The following PRTG variants were observed in gnomAD, a reference collection of about 807,000 sequenced individuals.
PRTG encodes protogenin.
PRTG carries 67 observed loss-of-function variants against 122.5 expected under a neutral mutation model. That is an observed-to-expected ratio of 0.55 (90% CI 0.45 to 0.67). PRTG has a LOEUF of 0.67. Ranked by LOEUF, PRTG falls within the 30% of genes least tolerant of loss-of-function variation. PRTG has a pLI of 0.00. For synonymous variants in PRTG, 554 were observed against 501.1 expected, an observed-to-expected ratio of 1.11 and a Z score of -1.41; for missense variants, 1,435 against 1,415.4, an observed-to-expected ratio of 1.01 and a Z score of -0.22.
intron 2 of PRTG, among the ~76,000 whole-genome samples, chr15:55,716,975 C>A (rs528622048): frequency 1.3e-5 from 2 of 152,048 alleles, no homozygotes; most frequent in Non-Finnish European, 2.9e-5. Context: ...TCATCAGGTA[C>A]AAAATGGAGT....
intron 2 of PRTG, among the ~76,000 whole-genome samples, chr15:55,734,804 C>G (rs1187259482): frequency 6.6e-6 from 1 of 152,106 alleles, no homozygotes; most frequent in Non-Finnish European, 1.5e-5. Flanking sequence ...AGATTAGTGT[C>G]AGAGACCTTT....
intron 2 of PRTG, chr15:55,738,469 T>C (rs749277964): frequency 1.4e-6 from 1 of 700,890 alleles, no homozygotes; most frequent in Non-Finnish European, 2.6e-6. Flanking sequence ...TCATGGCCTA[T>C]CTGGCCACCT....
At chr15:55,720,378 A>G (rs2141867423) in intron 2 of PRTG, among the ~76,000 whole-genome samples, 1 of 152,260 alleles carries the variant, frequency 6.6e-6, no homozygotes, top group African/African-American at 2.4e-5. Flanking sequence ...ACAAAACAAA[A>G]TAAAACAAAC....
At chr15:55,741,584 G>A (rs988776355) in intron 1 of PRTG, among the ~76,000 whole-genome samples, 1 of 152,140 alleles carries the variant, frequency 6.6e-6, no homozygotes, top group African/African-American at 2.4e-5. Context: ...CCTGCATTTA[G>A]TGCACAGGCC....
At position 55,677,933 on chromosome 15, in the gene PRTG, T is replaced by G. The variant is rs576678146; in HGVS notation, c.1245A>C (p.Ser415=). The G allele has an allele frequency of 3.2e-5, 52 of 1,613,816 alleles. No individual in the cohort carries two copies. The highest frequency in any genetic ancestry group is 5.0e-5 in the Admixed American group (3 of 59,982). ...LSRARLTVVM[S]EDRPSAPYNV... ...TATAGGGAGCACTGGGTCTGTCTTC[T>G]GACATCACTACAGTCAGTCTGGCTC... The change falls in exon 8 of 20, where the codon TCA becomes TCC. Residue 415 remains serine (S), a synonymous_variant. Coordinates refer to ENST00000389286, the MANE Select transcript of PRTG (RefSeq NM_173814.6).
At chr15:55,735,815 G>C (rs11630141) in intron 2 of PRTG, among the ~76,000 whole-genome samples, 1 of 151,142 alleles carries the variant, frequency 6.6e-6, no homozygotes, top group African/African-American at 2.4e-5. Context: ...ACTAATCTAG[G>C]GCAAAGTGAG....
At chr15:55,663,214 A>C (rs759455299) in intron 11 of PRTG, among the ~76,000 whole-genome samples, 39 of 152,210 alleles carry the variant, frequency 2.6e-4, no homozygotes, top group Non-Finnish European at 5.1e-4. Context: ...CTAAATGTCT[A>C]GGAGAAACTG....
intron 2 of PRTG, among the ~76,000 whole-genome samples, chr15:55,719,768 C>T (rs1158504571): frequency 3.3e-5 from 5 of 151,932 alleles, no homozygotes; most frequent in African/African-American, 1.2e-4. Context: ...TCTTAAAAAC[C>T]GTGGGTTTGG....
At chr15:55,680,404 G>T in intron 5 of PRTG, 87 bp downstream of exon 5, 1 of 1,359,904 alleles carries the variant, frequency 7.4e-7, no homozygotes, top group Non-Finnish European at 9.8e-7. Flanking sequence ...CTGTGTTTTT[G>T]TATATAAAAT....
chr15:55,696,637 T>C (rs1234913511), intron 2 of PRTG, among the ~76,000 whole-genome samples: 1 of 152,208 alleles, frequency 6.6e-6, no homozygotes, highest in Non-Finnish European at 1.5e-5. Context: ...TCTTAAATTA[T>C]TTAACAGGAA....
At chr15:55,647,328 G>T (rs1490528938) in intron 11 of PRTG, among the ~76,000 whole-genome samples, 1 of 152,158 alleles carries the variant, frequency 6.6e-6, no homozygotes, top group Non-Finnish European at 1.5e-5. Flanking sequence ...GGCTAAGAAA[G>T]AGTTCACAGG....
intron 2 of PRTG, among the ~76,000 whole-genome samples, chr15:55,716,934 C>T (rs950624034): frequency 6.6e-6 from 1 of 152,126 alleles, no homozygotes; most frequent in African/African-American, 2.4e-5. Context: ...AAAAGTTTTT[C>T]ATTCTACAAT....
chr15:55,683,812 T>C lies in PRTG; in HGVS notation c.517A>G (p.Thr173Ala). The C allele has an allele frequency of 1.2e-6, 2 of 1,613,888 alleles. No homozygotes were observed. The highest frequency in any genetic ancestry group is 1.7e-6 in the Non-Finnish European group (2 of 1,179,864). The change falls in exon 3 of 20, where the codon ACA becomes GCA. Residue 173 changes from threonine to alanine, a missense_variant. Thr to Ala is a moderately conservative substitution (Grantham distance 58). Transcript: ENST00000389286. ...CTGTCCATAGTCATAGGTAGAGTTG[T>C]CCGATTGAACTCCCATGTTATGACT... ...PAVITWEFNR[T>A]TLPMTMDRIT...
Position 55,617,944 on chromosome 15 carries a change from C to G in PRTG, c.*2068G>C, listed in dbSNP as rs1340555171. The G allele has an allele frequency of 1.3e-5, 2 of 152,138 alleles. No individual in the cohort carries two copies. The highest frequency in any genetic ancestry group is 6.6e-5 in the Admixed American group (1 of 15,254). The allele number at this position is 152,138 out of a possible 1,614,324, so 9.4% of individuals were successfully genotyped here. ...GCTATACCCTGTCAATCTGCCTATG[C>G]TTCCATGAGGCAGCTCAAAAGTAAC... is the stretch of plus-strand genomic sequence containing the variant. On this transcript the variant is annotated 3_prime_UTR_variant, in exon 20 of 20. Transcript: ENST00000389286.
intron 18 of PRTG, 67 bp from the exon 19 acceptor site, chr15:55,620,834 G>C: frequency 7.5e-7 from 1 of 1,330,760 alleles, no homozygotes; most frequent in Non-Finnish European, 1.0e-6. Flanking sequence ...ATCACAAGTA[G>C]TGCATACTTT....
intron 19 of PRTG, among the ~76,000 whole-genome samples, 177 bp downstream of exon 19, chr15:55,620,486 C>A (rs1490134766): frequency 6.6e-6 from 1 of 150,648 alleles, no homozygotes; most frequent in African/African-American, 2.4e-5. Context: ...GATGACTATT[C>A]CAACTTCTGT....
chr15:55,652,460 G>A (rs182907210), intron 11 of PRTG, among the ~76,000 whole-genome samples: 1 of 152,254 alleles, frequency 6.6e-6, no homozygotes, highest in East Asian at 1.9e-4. Context: ...TTGTTCCCCT[G>A]CAGTCCAACT....
At chr15:55,708,963 G>A (rs2141851050) in intron 2 of PRTG, among the ~76,000 whole-genome samples, 1 of 151,874 alleles carries the variant, frequency 6.6e-6, no homozygotes, top group Non-Finnish European at 1.5e-5. Flanking sequence ...TGGTCAACAT[G>A]GTGAAAAGCC....
rs1240332910 is a variant in PRTG at position 55,742,933 on chromosome 15, C to T, written c.-2G>A. ...GAGGGGTCGCAGAGGAGGCGCCATT[C>T]AGCGTAGCCGCGCGGGCATGCTCCC... On this transcript the variant is annotated 5_prime_UTR_variant, in exon 1 of 20. An upstream open reading frame in the 5' UTR loses its in-frame stop. Transcript: ENST00000389286. 12 of 1,519,870 alleles carry T rather than the reference C, an allele frequency of 7.9e-6. No individual in the cohort carries two copies. The African/African-American group carries it at 1.3e-4, about 16-fold the overall frequency. The allele number at this position is 1,519,870 out of a possible 1,614,324, so 94.1% of individuals were successfully genotyped here.
Sources: gnomAD v4.1 joint callset for allele counts (sites outside exome capture counted in the v4.1 genomes callset) on GRCh38, gnomAD v4.1.1 for gene constraint, MANE v1.5 for transcripts, NCBI Gene and HGNC (gene_info 2026-07-23, HGNC 2026-07-21) for gene names.